The following LDB2 variants were observed in gnomAD, a reference collection of about 807,000 sequenced individuals.
LDB2 encodes LIM domain binding 2, also known as LIM domain-binding protein 2.
In LDB2, 12 loss-of-function variants were observed where a neutral mutation model predicts 44.3. That is an observed-to-expected ratio of 0.27 (90% CI 0.17 to 0.44). The LOEUF (loss-of-function observed/expected upper bound fraction) is 0.44. Among genes scored for constraint, LDB2 ranks in the 20% least tolerant of loss-of-function variants. The pLI, the probability that LDB2 is intolerant of heterozygous loss-of-function variation, is 1.00. For missense variants in LDB2, 344 were observed against 473.5 expected, an observed-to-expected ratio of 0.73 and a Z score of 2.54; for synonymous variants, 164 against 174.8, an observed-to-expected ratio of 0.94 and a Z score of 0.49.
At chr4:16,801,281 T>G (rs1777769107) in intron 1 of LDB2, among the ~76,000 whole-genome samples, 1 of 152,208 alleles carries the variant, frequency 6.6e-6, no homozygotes. Context: ...CAATTATTGT[T>G]TAATTGTCTG....
At chr4:16,522,275 T>TG (rs1491348575) in intron 5 of LDB2, among the ~76,000 whole-genome samples, 4 of 140,210 alleles carry the variant, frequency 2.9e-5, no homozygotes, top group African/African-American at 7.8e-5. Flanking sequence ...TGTGTGTGTG[T>TG]TTGTGTGTGT....
At chr4:16,848,737 T>C (rs1382532985) in intron 1 of LDB2, among the ~76,000 whole-genome samples, 3 of 152,222 alleles carry the variant, frequency 2.0e-5, no homozygotes, top group Non-Finnish European at 2.9e-5. Context: ...ACAAATATTT[T>C]AATCTTCTGT....
chr4:16,782,850 G>A (rs2109485019), intron 1 of LDB2, among the ~76,000 whole-genome samples: 1 of 152,278 alleles, frequency 6.6e-6, no homozygotes, highest in African/African-American at 2.4e-5. Context: ...GGGAGTAGAG[G>A]AAGGGGGCAG....
chr4:16,603,035 C>T (rs1284727081), intron 2 of LDB2, among the ~76,000 whole-genome samples: 1 of 152,246 alleles, frequency 6.6e-6, no homozygotes, highest in East Asian at 1.9e-4. Flanking sequence ...CCCATTATTT[C>T]GACATATTCA....
intron 1 of LDB2, among the ~76,000 whole-genome samples, chr4:16,884,995 A>G (rs1206998616): frequency 6.6e-6 from 1 of 152,090 alleles, no homozygotes; most frequent in Non-Finnish European, 1.5e-5. Context: ...GAGAGGACAT[A>G]ATCTTATTGT....
At chr4:16,804,247 G>A (rs1345417711) in intron 1 of LDB2, among the ~76,000 whole-genome samples, 3 of 152,008 alleles carry the variant, frequency 2.0e-5, no homozygotes, top group South Asian at 2.1e-4. Flanking sequence ...CTCCTGGCTA[G>A]GTACATATTT....
At chr4:16,546,548 T>C (rs960262517) in intron 5 of LDB2, among the ~76,000 whole-genome samples, 1 of 152,248 alleles carries the variant, frequency 6.6e-6, no homozygotes, top group Non-Finnish European at 1.5e-5. Flanking sequence ...TTTGGGTTTT[T>C]CGAGGCTGCT....
chr4:16,783,356 A>G (rs1251354018), intron 1 of LDB2, among the ~76,000 whole-genome samples: 8 of 152,260 alleles, frequency 5.3e-5, no homozygotes, highest in Non-Finnish European at 2.9e-5. Flanking sequence ...GGATGGCCAA[A>G]TCCTGCATAA....
chr4:16,579,180 A>G (rs1713219837), intron 5 of LDB2, among the ~76,000 whole-genome samples: 1 of 152,224 alleles, frequency 6.6e-6, no homozygotes, highest in Non-Finnish European at 1.5e-5. Context: ...TTAAAAGAAT[A>G]TGGATTGTTT....
intron 1 of LDB2, among the ~76,000 whole-genome samples, chr4:16,765,299 C>A (rs542272195): frequency 1.1e-4 from 17 of 152,326 alleles, no homozygotes; most frequent in African/African-American, 4.1e-4. Flanking sequence ...GCCAAGGGAC[C>A]TCCAGCAGCT....
intron 5 of LDB2, among the ~76,000 whole-genome samples, chr4:16,573,392 A>G (rs527528266): frequency 6.6e-6 from 1 of 152,240 alleles, no homozygotes; most frequent in African/African-American, 2.4e-5. Flanking sequence ...GAGCTCGATA[A>G]ACCTTGAATT....
At chr4:16,769,345 G>A (rs1770102948) in intron 1 of LDB2, among the ~76,000 whole-genome samples, 1 of 150,480 alleles carries the variant, frequency 6.6e-6, no homozygotes, top group Non-Finnish European at 1.5e-5. Flanking sequence ...TGCCCAGGCT[G>A]GAGTGCAGTA....
At chr4:16,632,166 T>G (rs1458286673) in intron 2 of LDB2, among the ~76,000 whole-genome samples, 5 of 152,164 alleles carry the variant, frequency 3.3e-5, no homozygotes, top group Non-Finnish European at 7.3e-5. Flanking sequence ...CTGATGAACA[T>G]CAATGCAAAA....
intron 7 of LDB2, chr4:16,503,232 G>A: frequency 3.2e-6 from 4 of 1,251,060 alleles, no homozygotes; most frequent in Non-Finnish European, 4.5e-6. Context: ...CCTTCTGCTG[G>A]GTGCTTCTCA....
At chr4:16,591,865 A>T (rs1719087721) in intron 3 of LDB2, among the ~76,000 whole-genome samples, 1 of 147,740 alleles carries the variant, frequency 6.8e-6, no homozygotes, top group South Asian at 2.2e-4. Context: ...CTTTTATCTG[A>T]AGTCGGCCTT....
chr4:16,710,763 C>G (rs1022961799), intron 2 of LDB2, among the ~76,000 whole-genome samples: 1 of 152,174 alleles, frequency 6.6e-6, no homozygotes, highest in African/African-American at 2.4e-5. Flanking sequence ...TATTGTTAGG[C>G]CAAGGGTCAT....
intron 1 of LDB2, among the ~76,000 whole-genome samples, chr4:16,821,688 C>T (rs1043282674): frequency 6.1e-5 from 8 of 130,202 alleles, no homozygotes; most frequent in African/African-American, 2.0e-4. Context: ...CGCGCCCGGC[C>T]GGAATATTTG....
At chr4:16,545,709 CT>C (rs1194901478) in intron 5 of LDB2, among the ~76,000 whole-genome samples, 1 of 152,204 alleles carries the variant, frequency 6.6e-6, no homozygotes, top group Non-Finnish European at 1.5e-5. Flanking sequence ...TAAGTCCATG[CT>C]TCTGACAGCC....
intron 1 of LDB2, among the ~76,000 whole-genome samples, chr4:16,777,298 G>A (rs372810676): frequency 3.9e-5 from 6 of 152,268 alleles, no homozygotes; most frequent in South Asian, 2.1e-4. Flanking sequence ...TGGTCTGGGA[G>A]GTGAGAAATG....
Sources: allele counts gnomAD v4.1 joint callset (sites outside exome capture counted in the v4.1 genomes callset), GRCh38; gene constraint gnomAD v4.1.1; transcripts MANE v1.5; gene names NCBI Gene and HGNC (gene_info 2026-07-23, HGNC 2026-07-21).